The following GDAP1L1 variants were observed in gnomAD, a reference collection of about 807,000 sequenced individuals.
The protein encoded by GDAP1L1 is ganglioside induced differentiation associated protein 1 like 1, also known as ganglioside-induced differentiation-associated protein 1-like 1.
GDAP1L1 carries 21 observed loss-of-function variants against 37.1 expected under a neutral mutation model. That is an observed-to-expected ratio of 0.57 (90% CI 0.40 to 0.81). The LOEUF is 0.81. GDAP1L1 is among the 40% of genes least tolerant of loss of function. The pLI, the probability that GDAP1L1 is intolerant of heterozygous loss-of-function variation, is 0.00. For synonymous variants in GDAP1L1, 193 were observed against 209.1 expected, an observed-to-expected ratio of 0.92 and a Z score of 0.67; for missense variants, 362 against 491.6, an observed-to-expected ratio of 0.74 and a Z score of 2.49.
intron 5 of GDAP1L1, among the ~76,000 whole-genome samples, chr20:44,268,619 G>A (rs1200585244): frequency 3.9e-5 from 6 of 152,214 alleles, no homozygotes; most frequent in Non-Finnish European, 7.3e-5. Flanking sequence ...AGGATAAAGT[G>A]GATAAAGTTT....
intron 5 of GDAP1L1, among the ~76,000 whole-genome samples, chr20:44,269,788 G>A (rs981287686): frequency 9.9e-5 from 15 of 152,118 alleles, no homozygotes; most frequent in Admixed American, 3.3e-4. Flanking sequence ...AGAATTAGCC[G>A]GGTGTGGTGG....
rs762517075 is a variant in GDAP1L1, at chr20:44,258,579, C to A, written c.519C>A (p.Ile173=). 6.2e-6 allele frequency: 10 copies of A among 1,602,114 alleles called. No individual in the cohort carries two copies. In the East Asian group the frequency reaches 6.8e-5, roughly 11 times the overall value. ...CCGAGCTCACCACCGACTCCATGAT[C>A]CCCAAGTACGCCACGGCCGAGATCC... ...LHPELTTDSM[I]PKYATAEIRR... is the part of the protein sequence containing the mutation. Residue 173 remains isoleucine (I), a synonymous_variant, in exon 3 of 6, where the codon ATC becomes ATA. Coordinates refer to ENST00000342560, the MANE Select transcript of GDAP1L1 (RefSeq NM_024034.6).
At chr20:44,258,801 C>G (rs1334738266) in intron 3 of GDAP1L1, among the ~76,000 whole-genome samples, 194 bp downstream of exon 3, 2 of 152,044 alleles carry the variant, frequency 1.3e-5, no homozygotes, top group South Asian at 4.2e-4. Flanking sequence ...GCTGGTCTCT[C>G]TCTCTCTCTC....
intron 2 of GDAP1L1, among the ~76,000 whole-genome samples, chr20:44,258,003 C>A (rs1251284310): frequency 1.3e-5 from 2 of 152,170 alleles, no homozygotes; most frequent in Non-Finnish European, 2.9e-5. Flanking sequence ...CTCGTAGGCC[C>A]TCCTCAGGCT....
At chr20:44,261,091 C>G (rs548524336) in intron 3 of GDAP1L1, among the ~76,000 whole-genome samples, 1 of 152,282 alleles carries the variant, frequency 6.6e-6, no homozygotes, top group African/African-American at 2.4e-5. Flanking sequence ...AGCCCACCCC[C>G]TCTCTCCCCA....
At chr20:44,277,510 C>T (rs893561377) in intron 5 of GDAP1L1, among the ~76,000 whole-genome samples, 5 of 152,134 alleles carry the variant, frequency 3.3e-5, no homozygotes, top group Non-Finnish European at 5.9e-5. Flanking sequence ...TGAAAGGTAC[C>T]TGGGGGCTGG....
chr20:44,272,211 C>CATGGCATGGAGCAG (rs1568657499), intron 5 of GDAP1L1, among the ~76,000 whole-genome samples: 1 of 152,132 alleles, frequency 6.6e-6, no homozygotes, highest in East Asian at 1.9e-4. Context: ...GATGTGGAGA[C>CATGGCATGGAGCAG]GTGGCATGGA....
intron 1 of GDAP1L1, among the ~76,000 whole-genome samples, chr20:44,253,095 C>T (rs1468743556): frequency 2.0e-5 from 3 of 152,202 alleles, no homozygotes; most frequent in Non-Finnish European, 4.4e-5. Flanking sequence ...AAAATTGCTA[C>T]CTTTATCCCT....
chr20:44,264,886 T>A (rs1340527581), intron 5 of GDAP1L1: 1 of 1,071,728 alleles, frequency 9.3e-7, no homozygotes, highest in Non-Finnish European at 1.1e-6. Context: ...ACAGTAGGTG[T>A]TTAATAAAGG....
chr20:44,247,735 C>T (rs1476848064), intron 1 of GDAP1L1, among the ~76,000 whole-genome samples: 2 of 146,430 alleles, frequency 1.4e-5, no homozygotes, highest in African/African-American at 2.5e-5. Flanking sequence ...ATTTTAGGAG[C>T]ATCCATTCTG....
chr20:44,274,230 C>T (rs1170994891), intron 5 of GDAP1L1, among the ~76,000 whole-genome samples: 1 of 152,110 alleles, frequency 6.6e-6, no homozygotes, highest in African/African-American at 2.4e-5. Context: ...TGTAAGAACA[C>T]CACATCCGTA....
chr20:44,254,182 A>G (rs545176118), intron 1 of GDAP1L1, among the ~76,000 whole-genome samples: 2 of 152,198 alleles, frequency 1.3e-5, no homozygotes, highest in South Asian at 2.1e-4. Context: ...GCTCCCACGC[A>G]TGCACACTCA....
intron 5 of GDAP1L1, among the ~76,000 whole-genome samples, chr20:44,267,884 T>C (rs1263588003): frequency 6.6e-6 from 1 of 152,196 alleles, no homozygotes; most frequent in Non-Finnish European, 1.5e-5. Context: ...CCTGAGGTCT[T>C]CTGAGAGGAG....
At chr20:44,249,503 A>G (rs2073398467) in intron 1 of GDAP1L1, among the ~76,000 whole-genome samples, 2 of 152,098 alleles carry the variant, frequency 1.3e-5, no homozygotes, top group African/African-American at 4.8e-5. Context: ...AGAGTCTAGA[A>G]CTTCCTCCCC....
intron 1 of GDAP1L1, among the ~76,000 whole-genome samples, chr20:44,252,102 GCTAA>G (rs2073456257): frequency 6.6e-6 from 1 of 152,232 alleles, no homozygotes; most frequent in African/African-American, 2.4e-5. Flanking sequence ...TGAAGAAAAT[GCTAA>G]CTGTCAGTTT....
rs1462946032 is a variant in GDAP1L1, at chr20:44,272,954, G to A, written c.761-6003G>A. 2.0e-5 allele frequency among the ~76,000 whole-genome samples: 3 copies of A among 151,988 alleles called. 1 individual carries two copies. The highest frequency in any genetic ancestry group is 4.1e-4 in the South Asian group (2 of 4,820). On this transcript the variant is annotated intron_variant, in intron 5 of 5. Transcript: ENST00000342560. ...CACAGGGCAAACATGCAGTCTATGC[G>A]GGATACAGACGCATGAAGAGATCTG...
Position 44,258,512 on chromosome 20 carries a change from C to T in GDAP1L1, c.452C>T (p.Ala151Val). The T allele has an allele frequency of 6.4e-7, 1 of 1,569,524 alleles. No individual in the cohort carries two copies. Among genetic ancestry groups the T allele is most frequent in the South Asian group, 1.2e-5 (1 of 85,240 alleles). Residue 151 changes from alanine (A) to valine (V), a missense_variant, in exon 3 of 6, where the codon GCA becomes GTA. Around this residue, in one of 2 missense-constraint regions of GDAP1L1, gnomAD observed 277 missense variants for 337.1 expected, o/e 0.82. Transcript: ENST00000342560. ...CTGCAGTACCGGGAGCTGCTGGACG[C>T]ACTGCCCATGGATGCCTACACGCAT... The part of the protein sequence containing the change: ...RVLQYRELLD[A>V]LPMDAYTHGC...
chr20:44,265,519 G>T, intron 5 of GDAP1L1: 1 of 976,900 alleles, frequency 1.0e-6, no homozygotes, highest in Non-Finnish European at 1.2e-6. Context: ...AAACAGATGG[G>T]GTTAGAGTAA....
chr20:44,260,680 AG>A (rs2073655927), intron 3 of GDAP1L1, among the ~76,000 whole-genome samples: 1 of 152,156 alleles, frequency 6.6e-6, no homozygotes, highest in African/African-American at 2.4e-5. Context: ...AGCAGGTAGA[AG>A]GGGAGAAAGA....
Sources: gnomAD v4.1 joint callset for allele counts (sites outside exome capture counted in the v4.1 genomes callset) on GRCh38, gnomAD v4.1.1 for gene constraint, gnomAD v4.1.1 regional missense constraint, MANE v1.5 for transcripts, NCBI Gene and HGNC (gene_info 2026-07-23, HGNC 2026-07-21) for gene names.